UBXN11: variants seen among roughly 807,000 people sequenced by gnomAD.
UBXN11 encodes the protein UBX domain-containing protein 11.
Under a neutral mutation model 62.8 loss-of-function variants are expected in UBXN11, and 47 were observed. The observed-to-expected ratio is 0.75, with a 90% CI of 0.59 to 0.95. The LOEUF is 0.95. UBXN11 is among the 40% of genes least tolerant of loss of function. UBXN11 has a pLI of 0.00. For synonymous variants in UBXN11, 294 were observed against 267.0 expected (o/e 1.10, Z -0.99); for missense variants, 638 against 661.7 (o/e 0.96, Z 0.39).
At chr1:26,295,104 C>T (rs1240006676) in intron 7 of UBXN11, among the ~76,000 whole-genome samples, 1 of 152,166 alleles carries the variant, frequency 6.6e-6, no homozygotes, top group Non-Finnish European at 1.5e-5. Context: ...CATTTCCAAC[C>T]GTCCACACTT....
intron 7 of UBXN11, 58 bp from the exon 8 acceptor site, chr1:26,294,389 A>G (rs888027521): frequency 1.0e-5 from 16 of 1,592,658 alleles, no homozygotes; most frequent in Non-Finnish European, 1.4e-5. Context: ...TCCCAGGGAA[A>G]GGCAGTGTCA....
intron 8 of UBXN11, among the ~76,000 whole-genome samples, chr1:26,291,444 G>A (rs1276811214): frequency 6.6e-6 from 1 of 152,226 alleles, no homozygotes; most frequent in Non-Finnish European, 1.5e-5. Flanking sequence ...TATGGCCAGG[G>A]CCTCCAAGAT....
intron 8 of UBXN11, among the ~76,000 whole-genome samples, chr1:26,291,130 C>T (rs2073254037): frequency 1.3e-5 from 2 of 152,280 alleles, no homozygotes; most frequent in South Asian, 2.1e-4. Flanking sequence ...GGCCCTGGCT[C>T]ACCCTCCACA....
Position 26,285,637 on chromosome 1 carries a change from C to T in UBXN11, c.775-96G>A, listed in dbSNP as rs1315268518. On this transcript the variant is annotated intron_variant, in intron 9 of 14. Coordinates refer to ENST00000374222, the MANE Select transcript of UBXN11 (RefSeq NM_001389556.1). The stretch of plus-strand genomic sequence containing the variant: ...ATGGCAGGCCCTAGATCCAGGGTCA[C>T]CCAGTGCCGCACTCTGGAAACATTC... The T allele has an allele frequency of 3.6e-6, 5 of 1,386,876 alleles. No individual in the cohort carries two copies. In the African/African-American group the frequency reaches 4.3e-5, roughly 12 times the overall value. 85.9% of individuals were successfully genotyped at this position (1,386,876 alleles called of 1,614,324 possible).
In UBXN11 at chr1:26,285,759, C is replaced by T. The variant is rs1041723433; in HGVS notation, c.774+64G>A. 2.0e-6 allele frequency: 3 copies of T among 1,528,078 alleles called. No individual in the cohort carries two copies. The African/African-American group carries it at 4.1e-5, about 21-fold the overall frequency. The allele number at this position is 1,528,078 out of a possible 1,614,324, so 94.7% of individuals were successfully genotyped here. On this transcript the variant is annotated intron_variant, in intron 9 of 14. Transcript: ENST00000374222. ...TGGGCCTGGGGTGAGCTGGCTTCATCATCCCCAACTAACAGTGGGCAGCAG... is the reference window on the plus strand; with the variant it reads ...TGGGCCTGGGGTGAGCTGGCTTCATTATCCCCAACTAACAGTGGGCAGCAG...
intron 7 of UBXN11, among the ~76,000 whole-genome samples, chr1:26,294,685 A>G (rs144535055): frequency 2.6e-5 from 4 of 152,260 alleles, no homozygotes; most frequent in African/African-American, 4.8e-5. Context: ...CAAGTGTGAG[A>G]AGGAGGCAGG....
intron 4 of UBXN11, among the ~76,000 whole-genome samples, chr1:26,300,109 C>T (rs928323714): frequency 1.3e-5 from 2 of 152,174 alleles, no homozygotes; most frequent in African/African-American, 4.8e-5. Flanking sequence ...CTTTTTCCAC[C>T]TCAATTCCCT....
intron 3 of UBXN11, among the ~76,000 whole-genome samples, chr1:26,301,336 T>G (rs1272036728): frequency 6.6e-6 from 1 of 151,650 alleles, no homozygotes; most frequent in Non-Finnish European, 1.5e-5. Context: ...GGAGAAAGGC[T>G]GTCACACTGG....
Position 26,282,320 on chromosome 1 carries a change from TC to T in UBXN11, c.1541del (p.Gly514AspfsTer?). 2.2e-6 allele frequency: 3 copies of T among 1,361,170 alleles called. No homozygotes were observed. The highest frequency in any genetic ancestry group is 2.8e-6 in the Non-Finnish European group (3 of 1,058,272). The allele number at this position is 1,361,170 out of a possible 1,614,324, so 84.3% of individuals were successfully genotyped here. On this transcript the variant is annotated frameshift_variant, in exon 15 of 15. Transcript: ENST00000374222. LOFTEE classifies it high-confidence loss of function. ...TGCTTTATTGGGGGCTGGGACTGGG[TC>T]CAGGACAGGGACTGGGGCCGGGACC... ...GPGPGPSPCP[G>X]PSPSPQ
At position 26,282,367 on chromosome 1, in the gene UBXN11, GACCGGGACCGGGAC is replaced by G; in HGVS notation, c.1481_1494del (p.Ser494ThrfsTer?). The G allele has an allele frequency of 1.8e-6, 1 of 569,628 alleles. No homozygotes were observed. Among genetic ancestry groups the G allele is most frequent in the Non-Finnish European group, 2.4e-6 (1 of 418,440 alleles). The allele number at this position is 569,628 out of a possible 1,614,324, so 35.3% of individuals were successfully genotyped here. On this transcript the variant is annotated frameshift_variant, in exon 15 of 15. Coordinates refer to ENST00000374222, the MANE Select transcript of UBXN11 (RefSeq NM_001389556.1). LOFTEE classifies it low-confidence loss of function (END_TRUNC). ...GGACCGGGACCGGGACTGGGGCCGG[GACCGGGACCGGGAC>G]TGGGGCCGGGACCGGGACCGGGACA...
chr1:26,285,681 A>G, intron 9 of UBXN11, 140 bp from the exon 10 acceptor site: 2 of 1,365,180 alleles, frequency 1.5e-6, no homozygotes, highest in Non-Finnish European at 2.0e-6. Flanking sequence ...AGGCCTTGGG[A>G]GAGGGGCCTC....
chr1:26,288,854 G>A (rs1283846633), intron 8 of UBXN11, among the ~76,000 whole-genome samples: 2 of 152,134 alleles, frequency 1.3e-5, no homozygotes, highest in South Asian at 2.1e-4. Context: ...GAGCTGTCAC[G>A]CCCCAGATCA....
At position 26,285,468 on chromosome 1, in the gene UBXN11, A is replaced by G; in HGVS notation, c.848T>C (p.Phe283Ser). The change falls in exon 10 of 15, where the codon TTT becomes TCT. Residue 283 changes from phenylalanine (F) to serine (S), a missense_variant. Coordinates refer to ENST00000374222, the MANE Select transcript of UBXN11 (RefSeq NM_001389556.1). ...GTTTGAGGAGCAGCTTATCACCTTA[A>G]AGGGGACCCCATTGGGGTACAGTCG... Reference protein sequence around the residue: ...LQRLYPNGVPFKVSDLRNQVY... With the variant: ...LQRLYPNGVPSKVSDLRNQVY... 6.2e-7 allele frequency: 1 copy of G among 1,611,442 alleles called. No homozygotes were observed. Among genetic ancestry groups the G allele is most frequent in the South Asian group, 1.1e-5 (1 of 90,648 alleles).
In UBXN11 at chr1:26,285,507, G is replaced by A; in HGVS notation, c.809C>T (p.Pro270Leu). 2 of 1,600,014 alleles carry A rather than the reference G, an allele frequency of 1.2e-6. No individual in the cohort carries two copies. The highest frequency in any genetic ancestry group is 1.7e-6 in the Non-Finnish European group (2 of 1,169,868). ...GGGGTACAGTCGCTGGAGCTCTGAG[G>A]GAAAGAAGCCATCCAATATGTCTCG... ...CLRDILDGFFPSELQRLYPNG... is the reference protein window; with the variant it reads ...CLRDILDGFFLSELQRLYPNG... The change falls in exon 10 of 15, where the codon CCC becomes CTC. Residue 270 changes from proline to leucine, a missense_variant. Physicochemically the swap from Pro to Leu is moderately conservative, Grantham distance 98 (BLOSUM62 -3). Transcript: ENST00000374222.
At chr1:26,300,309 G>A (rs2073500014) in intron 4 of UBXN11, among the ~76,000 whole-genome samples, 1 of 152,190 alleles carries the variant, frequency 6.6e-6, no homozygotes, top group South Asian at 2.1e-4. Flanking sequence ...CTTCACAGAG[G>A]AGGCCTCAGA....
chr1:26,308,158 CAGGAAGGCTGAGGCAGGA>C (rs2073701356), upstream of UBXN11, among the ~76,000 whole-genome samples: 1 of 151,304 alleles, frequency 6.6e-6, no homozygotes, highest in Admixed American at 6.6e-5. Flanking sequence ...CCCAGCTACT[CAGGAAGGCTGAGGCAGGA>C]GAATCGCTTG....
chr1:26,297,055 C>A, intron 6 of UBXN11, 60 bp from the exon 7 acceptor site: 1 of 1,540,132 alleles, frequency 6.5e-7, no homozygotes, highest in South Asian at 1.2e-5. Context: ...CAGGTCACCT[C>A]TGCCCTGAGG....
At chr1:26,287,673 T>G (rs2073163485) in intron 8 of UBXN11, among the ~76,000 whole-genome samples, 1 of 151,968 alleles carries the variant, frequency 6.6e-6, no homozygotes, top group African/African-American at 2.4e-5. Context: ...GCAGGTGAAA[T>G]GGTAGGCCCC....
chr1:26,284,432 G>A lies in UBXN11; in HGVS notation c.903C>T (p.Phe301=), dbSNP rs753455085. 6.2e-6 allele frequency: 10 copies of A among 1,613,806 alleles called. No individual in the cohort carries two copies. The highest frequency in any genetic ancestry group is 2.2e-5 in the South Asian group (2 of 91,022). ...QVYLEDGLDP[F]PGEGRVVGRQ... ...TGCCCACCACACGGCCCTCGCCTGG[G>A]AAGGGGTCCAGTCCATCCTCCAGGT... is the stretch of plus-strand genomic sequence containing the variant. The change falls in exon 11 of 15, where the codon TTC becomes TTT. Residue 301 remains phenylalanine, a synonymous_variant. Transcript: ENST00000374222.
Sources: gnomAD v4.1 joint callset for allele counts (sites outside exome capture counted in the v4.1 genomes callset) on GRCh38, gnomAD v4.1.1 for gene constraint, MANE v1.5 for transcripts, NCBI Gene and HGNC (gene_info 2026-07-23, HGNC 2026-07-21) for gene names.